GALNT7: variants seen among roughly 807,000 people sequenced by gnomAD.
GALNT7 encodes polypeptide N-acetylgalactosaminyltransferase 7.
Under a neutral mutation model 82.1 loss-of-function variants are expected in GALNT7, and 60 were observed. That is an observed-to-expected ratio of 0.73 (90% CI 0.59 to 0.91). The LOEUF (loss-of-function observed/expected upper bound fraction) is 0.91, where lower values mean the gene tolerates loss of function less well. GALNT7 is among the 40% of genes least tolerant of loss of function. GALNT7 has a pLI of 0.00. For missense variants in GALNT7, 660 were observed against 804.2 expected, an observed-to-expected ratio of 0.82 and a Z score of 2.17; for synonymous variants, 243 against 275.1, an observed-to-expected ratio of 0.88 and a Z score of 1.15.
chr4:173,178,000 C>T (rs1009577807), intron 1 of GALNT7, among the ~76,000 whole-genome samples: 7 of 144,496 alleles, frequency 4.8e-5, no homozygotes, highest in African/African-American at 8.0e-5. Flanking sequence ...TCTCCCTATC[C>T]GCAAGTCTGT....
In GALNT7 at chr4:173,321,665, A is replaced by C; in HGVS notation, c.1922A>C (p.Asp641Ala). 1 of 1,606,642 alleles carries C rather than the reference A, an allele frequency of 6.2e-7. No individual in the cohort carries two copies. Among genetic ancestry groups the C allele is most frequent in the Non-Finnish European group, 8.5e-7 (1 of 1,173,394 alleles). ...CATCAAGTATTCATCTCCAATTGTG[A>C]CTCCAGTAAAACGACTCAAAAATGG... is the stretch of plus-strand genomic sequence containing the variant. ...VLHQVFISNC[D>A]SSKTTQKWEM... is the part of the protein sequence containing the mutation. Residue 641 changes from aspartate (D) to alanine (A), a missense_variant, in exon 12 of 12, where the codon GAC becomes GCC. Around this residue, in one of 2 missense-constraint regions of GALNT7, gnomAD observed 527 missense variants for 683.5 expected, o/e 0.77. Transcript: ENST00000265000.
intron 1 of GALNT7, among the ~76,000 whole-genome samples, chr4:173,212,655 A>G (rs1396024113): frequency 6.6e-6 from 1 of 151,306 alleles, no homozygotes; most frequent in African/African-American, 2.4e-5. Flanking sequence ...AGCTATGATG[A>G]CTTTCTTTTG....
At chr4:173,262,822 A>G (rs149407771) in intron 2 of GALNT7, among the ~76,000 whole-genome samples, 160 of 152,332 alleles carry the variant, frequency 1.1e-3, no homozygotes, top group African/African-American at 3.7e-3. Flanking sequence ...CGTCTCACAG[A>G]ATATTAAAAA....
chr4:173,301,500 A>C (rs191765714), intron 6 of GALNT7, among the ~76,000 whole-genome samples: 2 of 152,202 alleles, frequency 1.3e-5, no homozygotes, highest in African/African-American at 2.4e-5. Context: ...ATCTATATCT[A>C]ATTCTCCTGT....
At position 173,302,173 on chromosome 4, in the gene GALNT7, T is replaced by A; in HGVS notation, c.1266+9T>A. 1 of 1,112,218 alleles carries A rather than the reference T, an allele frequency of 9.0e-7. No homozygotes were observed. Among genetic ancestry groups the A allele is most frequent in the Non-Finnish European group, 1.4e-6 (1 of 722,500 alleles). The allele number at this position is 1,112,218 out of a possible 1,614,324, so 68.9% of individuals were successfully genotyped here. On this transcript the variant is annotated intron_variant, in intron 7 of 11. Coordinates refer to ENST00000265000, the MANE Select transcript of GALNT7 (RefSeq NM_017423.3). This position sits in a 1 kb window ranked among gnomAD's most constrained non-coding sequence, Gnocchi z 4.2. ...TTGAGATCTCATACAAGGTAACATT[T>A]TATTTCAACAGATGGAATTCTCCAA...
At chr4:173,203,103 GT>G (rs1391145620) in intron 1 of GALNT7, among the ~76,000 whole-genome samples, 3 of 146,120 alleles carry the variant, frequency 2.1e-5, no homozygotes, top group African/African-American at 2.5e-5. Context: ...GTTAGGTCTT[GT>G]TTTTTTTTTG....
In GALNT7 at chr4:173,304,001, G is replaced by T; in HGVS notation, c.1272G>T (p.Trp424Cys). 6.2e-7 allele frequency: 1 copy of T among 1,608,614 alleles called. No individual in the cohort carries two copies. Among genetic ancestry groups the T allele is most frequent in the East Asian group, 2.2e-5 (1 of 44,530 alleles). Residue 424 changes from tryptophan (W) to cysteine (C), a missense_variant, in exon 8 of 12, where the codon TGG becomes TGT. By Grantham distance (215) the Trp-to-Cys change is radical (BLOSUM62 -2). Transcript: ENST00000265000. ...AACGTGTTTTTCCTTCATAGATATG[G>T]CAGTGTGGTGGCAAATTATTATTTG... ...GENFEISYKI[W>C]QCGGKLLFVP... is the part of the protein sequence containing the mutation.
intron 2 of GALNT7, among the ~76,000 whole-genome samples, chr4:173,279,877 A>G (rs1469105520): frequency 6.6e-6 from 1 of 152,104 alleles, no homozygotes; most frequent in African/African-American, 2.4e-5. Context: ...CGGGGGGCTG[A>G]GGCACAAGAA....
intron 8 of GALNT7, among the ~76,000 whole-genome samples, chr4:173,311,400 C>G (rs974464448): frequency 6.6e-6 from 1 of 152,160 alleles, no homozygotes; most frequent in African/African-American, 2.4e-5. Flanking sequence ...ATACTTGAGA[C>G]TCGGTAATTT....
intron 1 of GALNT7, among the ~76,000 whole-genome samples, chr4:173,236,493 G>T (rs1734234604): frequency 6.6e-6 from 1 of 152,082 alleles, no homozygotes; most frequent in Non-Finnish European, 1.5e-5. Flanking sequence ...CCAAAATTCA[G>T]CTTTGATCTC....
intron 11 of GALNT7, among the ~76,000 whole-genome samples, chr4:173,319,024 C>T (rs926770073): frequency 6.6e-6 from 1 of 151,948 alleles, no homozygotes; most frequent in Non-Finnish European, 1.5e-5. Flanking sequence ...GCTTTCATAA[C>T]GTCTTTATCA....
chr4:173,269,480 A>G (rs998696831), intron 2 of GALNT7, among the ~76,000 whole-genome samples: 1 of 152,166 alleles, frequency 6.6e-6, no homozygotes, highest in African/African-American at 2.4e-5. Context: ...GGAACACAGG[A>G]GGTCTTTTGC....
intron 1 of GALNT7, among the ~76,000 whole-genome samples, chr4:173,176,903 T>C (rs1732064929): frequency 6.6e-6 from 1 of 152,190 alleles, no homozygotes; most frequent in African/African-American, 2.4e-5. Flanking sequence ...AGCTAGATTT[T>C]AGTGAGGAGA....
intron 1 of GALNT7, among the ~76,000 whole-genome samples, chr4:173,227,205 T>C (rs1733860804): frequency 1.3e-5 from 2 of 152,232 alleles, no homozygotes; most frequent in African/African-American, 4.8e-5. Context: ...AATTTAAAAA[T>C]TTTAAAATGT....
chr4:173,265,878 C>T (rs1017117893), intron 2 of GALNT7, among the ~76,000 whole-genome samples: 1 of 151,990 alleles, frequency 6.6e-6, no homozygotes, highest in East Asian at 1.9e-4. Context: ...CATAAGATTG[C>T]ACTTTGGGAG....
intron 1 of GALNT7, among the ~76,000 whole-genome samples, chr4:173,242,120 T>C (rs1317415045): frequency 6.6e-6 from 1 of 152,200 alleles, no homozygotes; most frequent in Non-Finnish European, 1.5e-5. Context: ...CTTGATTTCT[T>C]TTAGTGGAGC....
chr4:173,288,879 C>CA (rs1327203836), intron 2 of GALNT7, among the ~76,000 whole-genome samples: 11 of 151,852 alleles, frequency 7.2e-5, no homozygotes, highest in Admixed American at 7.2e-4. Context: ...GAATGTAACT[C>CA]AAAGAGTTGT....
chr4:173,202,215 T>G (rs1732964063), intron 1 of GALNT7, among the ~76,000 whole-genome samples: 1 of 152,238 alleles, frequency 6.6e-6, no homozygotes, highest in East Asian at 1.9e-4. Context: ...TTTTCTGGTT[T>G]ATCCCCAGTG....
intron 2 of GALNT7, among the ~76,000 whole-genome samples, chr4:173,290,204 C>T (rs1220717734): frequency 6.6e-6 from 1 of 152,078 alleles, no homozygotes; most frequent in Admixed American, 6.5e-5. Context: ...ATGAAATCAA[C>T]AGAAATGCCC....
Sources: gnomAD v4.1 joint callset for allele counts (sites outside exome capture counted in the v4.1 genomes callset) on GRCh38, gnomAD v4.1.1 for gene constraint, gnomAD v4.1.1 regional missense constraint, Gnocchi (gnomAD v3.1) non-coding constraint, MANE v1.5 for transcripts, NCBI Gene and HGNC (gene_info 2026-07-23, HGNC 2026-07-21) for gene names.